ZNF609: variants seen among roughly 807,000 people sequenced by gnomAD.
ZNF609 encodes the protein zinc finger protein 609.
A neutral mutation model predicts 109.5 loss-of-function variants in ZNF609; 11 were observed. The observed-to-expected ratio is 0.10, with a 90% CI of 0.06 to 0.17. The LOEUF (loss-of-function observed/expected upper bound fraction) is 0.17, where lower values mean the gene tolerates loss of function less well. ZNF609 is among the 10% of genes least tolerant of loss of function. The pLI is 1.00. For synonymous variants in ZNF609, 646 were observed against 662.0 expected (o/e 0.98, Z 0.37); for missense variants, 1,559 against 1,772.4 (o/e 0.88, Z 2.16).
intron 3 of ZNF609, among the ~76,000 whole-genome samples, chr15:64,640,617 G>T (rs1016794171): frequency 6.6e-5 from 10 of 152,324 alleles, no homozygotes; most frequent in Non-Finnish European, 1.3e-4. Context: ...AAGCAGTAAA[G>T]CTGTGGACAG....
intron 2 of ZNF609, among the ~76,000 whole-genome samples, chr15:64,565,034 G>A (rs908924017): frequency 1.4e-5 from 2 of 147,436 alleles, no homozygotes; most frequent in African/African-American, 5.0e-5. Flanking sequence ...ATTTTTAGTA[G>A]AGACGGGGTT....
At position 64,500,479 on chromosome 15, in the gene ZNF609, G is replaced by C. The variant is rs1893545814; in HGVS notation, c.747+313G>C. On this transcript the variant is annotated intron_variant, in intron 2 of 9. Transcript: ENST00000326648. Reference sequence around the variant, plus strand: ...TTGTCTTTGCCCACCTCAGACACTTGTTGGTAGAGATTGGCATCAGACCTT... The same window carrying C: ...TTGTCTTTGCCCACCTCAGACACTTCTTGGTAGAGATTGGCATCAGACCTT... The C allele has an allele frequency of 2.2e-5, 14 of 638,122 alleles. No individual in the cohort carries two copies. The South Asian group carries it at 2.5e-4, about 12-fold the overall frequency. The allele number at this position is 638,122 out of a possible 1,614,324, so 39.5% of individuals were successfully genotyped here.
intron 2 of ZNF609, among the ~76,000 whole-genome samples, chr15:64,615,450 G>A (rs147594605): frequency 2.6e-5 from 4 of 151,108 alleles, no homozygotes; most frequent in Non-Finnish European, 5.9e-5. Context: ...TCTTGATAAC[G>A]TCTTATCAAC....
chr15:64,558,751 A>G (rs574894637), intron 2 of ZNF609, among the ~76,000 whole-genome samples: 1 of 152,392 alleles, frequency 6.6e-6, no homozygotes, highest in African/African-American at 2.4e-5. Flanking sequence ...TAGCACATAC[A>G]TACAGTTCAA....
chr15:64,647,690 C>G (rs952164724), intron 3 of ZNF609, among the ~76,000 whole-genome samples: 2 of 151,984 alleles, frequency 1.3e-5, no homozygotes, highest in Non-Finnish European at 2.9e-5. Context: ...TGGACTTAGT[C>G]ATTATATCTT....
intron 2 of ZNF609, among the ~76,000 whole-genome samples, chr15:64,536,918 A>G (rs1341864110): frequency 3.2e-4 from 3 of 9,294 alleles, no homozygotes; most frequent in Non-Finnish European, 6.9e-4. Flanking sequence ...TCAAAAAAGA[A>G]AAAAAAAAAA....
chr15:64,499,714 AC>A lies in ZNF609; in HGVS notation c.296del (p.Thr99IlefsTer55). On this transcript the variant is annotated frameshift_variant, in exon 2 of 10. Transcript: ENST00000326648. LOFTEE classifies it high-confidence loss of function. ...KSKRSKSGKDTSKPTPGTSLF... is the reference protein window; with the variant it reads ...KSKRSKSGKDXSKPTPGTSLF... ...CAAAAGGAGTAAGAGTGGCAAAGAC[AC>A]TAGCAAACCCACTCCAGGGACTTCC... 4 of 1,614,112 alleles carry A rather than the reference AC, an allele frequency of 2.5e-6. No individual in the cohort carries two copies. The highest frequency in any genetic ancestry group is 3.4e-6 in the Non-Finnish European group (4 of 1,180,026).
At chr15:64,524,246 A>ACC (rs1893936856) in intron 2 of ZNF609, among the ~76,000 whole-genome samples, 1 of 152,140 alleles carries the variant, frequency 6.6e-6, no homozygotes, top group African/African-American at 2.4e-5. Flanking sequence ...TCTCTCTAGA[A>ACC]ATTTCATGTA....
chr15:64,534,322 T>A (rs1894106191), intron 2 of ZNF609, among the ~76,000 whole-genome samples: 3 of 151,692 alleles, frequency 2.0e-5, no homozygotes, highest in Non-Finnish European at 2.9e-5. Context: ...TATTTATTTT[T>A]TTTTTTTAAG....
At chr15:64,553,464 A>G (rs1447872235) in intron 2 of ZNF609, among the ~76,000 whole-genome samples, 1 of 151,708 alleles carries the variant, frequency 6.6e-6, no homozygotes, top group Non-Finnish European at 1.5e-5. Context: ...ATTTTTAAGT[A>G]TTTCATACTT....
rs1311642362 is a variant in ZNF609, at chr15:64,534,849, G to A, written c.747+34683G>A. On this transcript the variant is annotated intron_variant, in intron 2 of 9. Transcript: ENST00000326648. ...TGAGATTGAGACCAGTCTGCCCAAC[G>A]TGGTGAAACCCTATCTCCACTAAAA... Among the ~76,000 whole-genome samples, 4 of 152,060 alleles carry A rather than the reference G, an allele frequency of 2.6e-5. No individual in the cohort carries two copies. In the East Asian group the frequency reaches 7.8e-4, roughly 30 times the overall value.
intron 2 of ZNF609, among the ~76,000 whole-genome samples, chr15:64,524,490 G>A (rs547559873): frequency 6.6e-6 from 1 of 152,012 alleles, no homozygotes; most frequent in African/African-American, 2.4e-5. Flanking sequence ...CTTGAACCCG[G>A]GAGGTGGAGG....
At chr15:64,586,397 A>G (rs1364456725) in intron 2 of ZNF609, among the ~76,000 whole-genome samples, 2 of 151,822 alleles carry the variant, frequency 1.3e-5, no homozygotes, top group African/African-American at 4.8e-5. Flanking sequence ...TGGCCTTGAT[A>G]GCTGCAGACT....
At chr15:64,526,979 T>A (rs1893975770) in intron 2 of ZNF609, among the ~76,000 whole-genome samples, 1 of 152,076 alleles carries the variant, frequency 6.6e-6, no homozygotes, top group Non-Finnish European at 1.5e-5. Context: ...GGAACATTTA[T>A]ACTGTAGTTA....
At chr15:64,461,661 A>G (rs1031410485) in intron 1 of ZNF609, among the ~76,000 whole-genome samples, 1 of 152,158 alleles carries the variant, frequency 6.6e-6, no homozygotes, top group Non-Finnish European at 1.5e-5. Context: ...GGGTGGAGAG[A>G]TCAGAGCCCT....
chr15:64,661,481 GTATTTGTATCCAGTTAGGGTA>G (rs778457377), intron 3 of ZNF609, among the ~76,000 whole-genome samples: 3 of 152,176 alleles, frequency 2.0e-5, no homozygotes, highest in Non-Finnish European at 4.4e-5. Context: ...TAGTTAGGGT[GTATTTGTATCCAGTTAGGGTA>G]TAGTTGTCAA....
chr15:64,475,861 T>C (rs1215840342), intron 1 of ZNF609, among the ~76,000 whole-genome samples: 2 of 152,206 alleles, frequency 1.3e-5, no homozygotes, highest in Non-Finnish European at 2.9e-5. Flanking sequence ...AACTTGATTC[T>C]TGAAAAAAGA....
rs1308030650 is a variant in ZNF609 at position 64,499,784 on chromosome 15, A to G, written c.365A>G (p.Gln122Arg). 1 of 1,614,074 alleles carries G rather than the reference A, an allele frequency of 6.2e-7. No homozygotes were observed. The highest frequency in any genetic ancestry group is 8.5e-7 in the Non-Finnish European group (1 of 1,180,010). The change falls in exon 2 of 10, where the codon CAG becomes CGG. Residue 122 changes from glutamine to arginine, a missense_variant. Transcript: ENST00000326648. ...SEGAASKKEV[Q>R]GRSGDGANAG... ...GGGGCAGCTAGCAAGAAAGAGGTGC[A>G]GGGGCGCTCAGGAGATGGTGCCAAT... is the stretch of plus-strand genomic sequence containing the variant.
At chr15:64,663,760 G>C (rs1896610902) in intron 3 of ZNF609, among the ~76,000 whole-genome samples, 1 of 152,114 alleles carries the variant, frequency 6.6e-6, no homozygotes, top group Non-Finnish European at 1.5e-5. Flanking sequence ...GAGAAAGTAT[G>C]TACTAATGGA....
Sources: allele counts gnomAD v4.1 joint callset (sites outside exome capture counted in the v4.1 genomes callset), GRCh38; gene constraint gnomAD v4.1.1; transcripts MANE v1.5; gene names NCBI Gene and HGNC (gene_info 2026-07-23, HGNC 2026-07-21).